CSMD3: variants seen among roughly 807,000 people sequenced by gnomAD.
The protein encoded by CSMD3 is CUB and Sushi multiple domains 3, also known as CUB and sushi domain-containing protein 3.
A neutral mutation model predicts 435.2 loss-of-function variants in CSMD3; 177 were observed. The ratio of observed to expected loss-of-function variants is 0.41; its 90% CI spans 0.36 to 0.46. The LOEUF is 0.46. Ranked by LOEUF, CSMD3 falls within the 20% of genes least tolerant of loss-of-function variation. The probability of loss-of-function intolerance (pLI) is 0.34; values close to 1 mark genes in which losing one functional copy is unlikely to be tolerated. For synonymous variants in CSMD3, 1,656 were observed against 1,520.5 expected (o/e 1.09, Z -2.07); for missense variants, 4,265 against 4,504.6 (o/e 0.95, Z 1.52).
At chr8:112,518,980 C>T in intron 27 of CSMD3, among the ~76,000 whole-genome samples, 1 of 152,072 alleles carries the variant, frequency 6.6e-6, no homozygotes, top group East Asian at 1.9e-4. Context: ...AACACACTCT[C>T]TATCAAGAGA....
At chr8:113,018,891 T>A (rs2086575504) in intron 6 of CSMD3, 176 bp downstream of exon 6, 4 of 622,074 alleles carry the variant, frequency 6.4e-6, no homozygotes, top group South Asian at 5.7e-5. Context: ...ATCAACTAAC[T>A]TTAATACTGT....
intron 23 of CSMD3, among the ~76,000 whole-genome samples, chr8:112,574,719 C>G (rs1829804254): frequency 1.3e-5 from 2 of 151,838 alleles, no homozygotes; most frequent in African/African-American, 4.8e-5. Flanking sequence ...TGTGGTTTCC[C>G]AAAGATCAAC....
chr8:112,918,135 C>T (rs890294222), intron 10 of CSMD3, among the ~76,000 whole-genome samples: 1 of 151,806 alleles, frequency 6.6e-6, no homozygotes, highest in Non-Finnish European at 1.5e-5. Context: ...TAATTTTATA[C>T]TCTATATCAC....
intron 7 of CSMD3, among the ~76,000 whole-genome samples, chr8:112,971,792 G>A (rs556403757): frequency 3.9e-5 from 6 of 151,972 alleles, no homozygotes; most frequent in South Asian, 4.1e-4. Flanking sequence ...TTATCTCAAC[G>A]TGCAAAGAAT....
chr8:112,405,213 C>CATATA lies in CSMD3; in HGVS notation c.5809+1310_5809+1311insTATAT, dbSNP rs1439544983. 6.0e-3 allele frequency among the ~76,000 whole-genome samples: 107 copies of CATATA among 17,868 alleles called. 3 individuals are homozygous for CATATA. The highest frequency in any genetic ancestry group is 0.012 in the African/African-American group (39 of 3,198). 11.7% of individuals were successfully genotyped at this position (17,868 alleles called of 152,430 possible). On this transcript the variant is annotated intron_variant, in intron 35 of 70. Transcript: ENST00000297405. Reference sequence around the variant, plus strand: ...AAAAAAAAAAAAAAAAAAAAAACCCCCATATATATATATATATATATATAT... The same window carrying CATATA: ...AAAAAAAAAAAAAAAAAAAAAACCCCATATACATATATATATATATATATATATAT...
intron 26 of CSMD3, 106 bp downstream of exon 26, chr8:112,552,488 A>G (rs866640171): frequency 8.2e-7 from 1 of 1,215,096 alleles, no homozygotes; most frequent in Non-Finnish European, 1.1e-6. Flanking sequence ...CTGCCTCAAG[A>G]AAAACAAACA....
chr8:112,249,154 A>T (rs1362882145), intron 63 of CSMD3, among the ~76,000 whole-genome samples: 1 of 152,156 alleles, frequency 6.6e-6, no homozygotes, highest in Non-Finnish European at 1.5e-5. Flanking sequence ...GTTAGAACCC[A>T]GTTAATAGTG....
chr8:112,422,250 A>G (rs572080347), intron 32 of CSMD3, among the ~76,000 whole-genome samples: 65 of 152,310 alleles, frequency 4.3e-4, no homozygotes, highest in Non-Finnish European at 7.6e-4. Context: ...TAATTTATTT[A>G]TAAATACATT....
At chr8:113,217,970 A>G (rs2092924563) in intron 3 of CSMD3, among the ~76,000 whole-genome samples, 2 of 151,334 alleles carry the variant, frequency 1.3e-5, no homozygotes, top group Admixed American at 6.6e-5. Context: ...ACAAAACAAA[A>G]TACATTCATA....
At chr8:112,667,222 T>C (rs1366758083) in intron 16 of CSMD3, among the ~76,000 whole-genome samples, 1 of 152,216 alleles carries the variant, frequency 6.6e-6, no homozygotes, top group African/African-American at 2.4e-5. Context: ...GGTCTTAAAA[T>C]CACTTTGAAG....
chr8:112,543,262 C>CA (rs1322107385), intron 27 of CSMD3, among the ~76,000 whole-genome samples: 1 of 152,100 alleles, frequency 6.6e-6, no homozygotes, highest in Non-Finnish European at 1.5e-5. Flanking sequence ...AGCAGGAATA[C>CA]ATCCAACTTA....
intron 1 of CSMD3, among the ~76,000 whole-genome samples, chr8:113,404,125 G>A (rs2094522141): frequency 6.6e-6 from 1 of 151,224 alleles, no homozygotes; most frequent in South Asian, 2.1e-4. Context: ...TAAAAAAGTG[G>A]GCTTAGAAAA....
At chr8:112,629,868 C>T (rs2074465667) in intron 22 of CSMD3, among the ~76,000 whole-genome samples, 2 of 152,210 alleles carry the variant, frequency 1.3e-5, no homozygotes, top group South Asian at 2.1e-4. Context: ...CTCATCACTC[C>T]CTGTATTATG....
chr8:113,199,169 T>C (rs894188958), intron 3 of CSMD3, among the ~76,000 whole-genome samples: 9 of 151,046 alleles, frequency 6.0e-5, no homozygotes, highest in Admixed American at 2.7e-4. Flanking sequence ...ATTTATATTT[T>C]CTTTATCTGA....
chr8:112,487,900 T>C (rs1056477477), intron 31 of CSMD3, among the ~76,000 whole-genome samples: 3 of 152,212 alleles, frequency 2.0e-5, no homozygotes, highest in Non-Finnish European at 4.4e-5. Flanking sequence ...TATGACTGTA[T>C]ATAAGTAAAT....
chr8:112,833,840 G>A (rs1206479229), intron 11 of CSMD3, among the ~76,000 whole-genome samples: 1 of 151,914 alleles, frequency 6.6e-6, no homozygotes, highest in African/African-American at 2.4e-5. Flanking sequence ...TACCTCATCT[G>A]TCATCCTGCC....
In CSMD3 at chr8:113,019,068, T is replaced by A; in HGVS notation, c.1029A>T (p.Gln343His). Residue 343 changes from glutamine to histidine, a missense_variant and splice_region_variant, in exon 6 of 71, where the codon CAA becomes CAT. Physicochemically the swap from Gln to His is conservative, Grantham distance 24. Around this residue, in one of 3 missense-constraint regions of CSMD3, gnomAD observed 731 missense variants for 755.4 expected, o/e 0.97. Transcript: ENST00000297405. Reference sequence around the variant, plus strand: ...GGCAAAGGTATTCCATAAGTATACCTTGATAGGGAGCACTAAATCCACGGT... The same window carrying A: ...GGCAAAGGTATTCCATAAGTATACCATGATAGGGAGCACTAAATCCACGGT... The part of the protein sequence containing the change: ...HRYRGFSAPY[Q>H]GSSTLTHTTS... 17 of 1,589,648 alleles carry A rather than the reference T, an allele frequency of 1.1e-5. No homozygotes were observed. Among genetic ancestry groups the A allele is most frequent in the Non-Finnish European group, 1.5e-5 (17 of 1,157,748 alleles).
chr8:113,302,199 TTTA>T (rs2132593877), intron 2 of CSMD3, among the ~76,000 whole-genome samples: 1 of 144,650 alleles, frequency 6.9e-6, no homozygotes, highest in African/African-American at 2.5e-5. Context: ...CTTTTGAGAT[TTTA>T]TTTTCTCACC....
intron 38 of CSMD3, among the ~76,000 whole-genome samples, chr8:112,374,725 A>G (rs1025009317): frequency 2.0e-5 from 3 of 152,226 alleles, no homozygotes; most frequent in South Asian, 2.1e-4. Context: ...AGGCCTATCA[A>G]CACAATGCTT....
Sources: allele counts gnomAD v4.1 joint callset (sites outside exome capture counted in the v4.1 genomes callset), GRCh38; gene constraint gnomAD v4.1.1; regional missense constraint gnomAD v4.1.1; transcripts MANE v1.5; gene names NCBI Gene and HGNC (gene_info 2026-07-23, HGNC 2026-07-21).